PBX1: variants seen among roughly 807,000 people sequenced by gnomAD.
PBX1 encodes PBX homeobox 1, also known as pre-B-cell leukemia transcription factor 1.
In PBX1, 6 loss-of-function variants were observed where a neutral mutation model predicts 53.4. That is an observed-to-expected ratio of 0.11 (90% CI 0.06 to 0.22). The LOEUF is 0.22. Ranked by LOEUF, PBX1 falls within the 10% of genes least tolerant of loss-of-function variation. The probability of loss-of-function intolerance (pLI) is 1.00; values close to 1 mark genes in which losing one functional copy is unlikely to be tolerated. For missense variants in PBX1, 251 were observed against 551.4 expected, an observed-to-expected ratio of 0.46 and a Z score of 5.46; for synonymous variants, 204 against 212.3, an observed-to-expected ratio of 0.96 and a Z score of 0.34.
chr1:164,828,050 T>C (rs1670555691), intron 8 of PBX1, among the ~76,000 whole-genome samples: 1 of 152,180 alleles, frequency 6.6e-6, no homozygotes, highest in Non-Finnish European at 1.5e-5. Context: ...TTAAATTATA[T>C]GACAGAAGGG....
chr1:164,662,483 C>A (rs762825278), intron 2 of PBX1, among the ~76,000 whole-genome samples: 9 of 152,118 alleles, frequency 5.9e-5, no homozygotes, highest in Non-Finnish European at 1.3e-4. Flanking sequence ...GCATTGCAAC[C>A]AGTACCAAGC....
At chr1:164,754,519 T>G (rs1428974409) in intron 2 of PBX1, among the ~76,000 whole-genome samples, 1 of 152,246 alleles carries the variant, frequency 6.6e-6, no homozygotes, top group Non-Finnish European at 1.5e-5. Flanking sequence ...TTTCAACACG[T>G]AAAACTGGCA....
chr1:164,712,092 A>G (rs1663824304), intron 2 of PBX1, among the ~76,000 whole-genome samples: 1 of 149,126 alleles, frequency 6.7e-6, no homozygotes, highest in South Asian at 2.2e-4. Flanking sequence ...GTGACTGGTA[A>G]CATCTGGGGG....
At chr1:164,871,036 G>A (rs577692926) in intron 2 of PBX1, among the ~76,000 whole-genome samples, 1 of 152,042 alleles carries the variant, frequency 6.6e-6, no homozygotes, top group Non-Finnish European at 1.5e-5. Flanking sequence ...ATTTAATTGA[G>A]CCCCTATGGC....
intron 2 of PBX1, among the ~76,000 whole-genome samples, chr1:164,661,060 C>A (rs1660458854): frequency 6.6e-6 from 1 of 152,188 alleles, no homozygotes; most frequent in East Asian, 1.9e-4. Context: ...GTTGGTGTGC[C>A]TGTTCACCTT....
chr1:164,561,966 C>T (rs961825419), intron 1 of PBX1, among the ~76,000 whole-genome samples: 2 of 151,202 alleles, frequency 1.3e-5, no homozygotes, highest in East Asian at 1.9e-4. Context: ...TTTTTTCTAC[C>T]CCACATGAGA....
At chr1:164,873,545 C>T (rs2102457192) in intron 2 of PBX1, among the ~76,000 whole-genome samples, 1 of 152,330 alleles carries the variant, frequency 6.6e-6, no homozygotes, top group East Asian at 1.9e-4. Context: ...AGTCTAGACT[C>T]TTGCCCAAGA....
At chr1:164,682,575 A>G (rs187541511) in intron 2 of PBX1, 8 of 152,116 alleles carry the variant, frequency 5.3e-5, no homozygotes, top group Non-Finnish European at 1.0e-4. Flanking sequence ...AACTGTACCC[A>G]TAAACTGGAT....
At chr1:164,741,280 T>A (rs1002830418) in intron 2 of PBX1, among the ~76,000 whole-genome samples, 1 of 152,236 alleles carries the variant, frequency 6.6e-6, no homozygotes, top group Admixed American at 6.5e-5. Flanking sequence ...TCTGGACTCA[T>A]AGGGCCAGAA....
chr1:164,663,759 T>C (rs1660650013), intron 2 of PBX1, among the ~76,000 whole-genome samples: 1 of 152,258 alleles, frequency 6.6e-6, no homozygotes, highest in African/African-American at 2.4e-5. Context: ...TTGAAGTGTG[T>C]TGGCGCCTTA....
At chr1:164,675,872 T>A (rs1236379353) in intron 2 of PBX1, among the ~76,000 whole-genome samples, 2 of 152,192 alleles carry the variant, frequency 1.3e-5, no homozygotes, top group East Asian at 3.9e-4. Flanking sequence ...TTTTTGTGCA[T>A]GCCCGTGTTC....
chr1:164,651,600 G>A (rs1294458222), intron 2 of PBX1, among the ~76,000 whole-genome samples: 2 of 152,134 alleles, frequency 1.3e-5, no homozygotes, highest in African/African-American at 4.8e-5. Flanking sequence ...CAGGGGAAGA[G>A]GGAGGTGCAG....
At chr1:164,883,720 C>A (rs1672713421) in intron 2 of PBX1, among the ~76,000 whole-genome samples, 1 of 152,188 alleles carries the variant, frequency 6.6e-6, no homozygotes, top group South Asian at 2.1e-4. Flanking sequence ...GCACCGGCAC[C>A]TTCCCCTTCT....
intron 3 of PBX1, among the ~76,000 whole-genome samples, chr1:164,793,991 C>T (rs763209915): frequency 6.6e-6 from 1 of 151,004 alleles, no homozygotes; most frequent in Non-Finnish European, 1.5e-5. Context: ...TCTCCTGCCT[C>T]AGCCTCCTGA....
chr1:164,670,872 G>A (rs1038474378), intron 2 of PBX1, among the ~76,000 whole-genome samples: 5 of 152,290 alleles, frequency 3.3e-5, no homozygotes, highest in South Asian at 2.1e-4. Context: ...GTGTCCCTGC[G>A]CCCGTGTGCA....
intron 8 of PBX1, among the ~76,000 whole-genome samples, chr1:164,825,965 T>C (rs1340094610): frequency 6.6e-6 from 1 of 151,978 alleles, no homozygotes; most frequent in East Asian, 1.9e-4. Context: ...CTACTAGATG[T>C]GGTATTGGAA....
chr1:164,750,879 A>G (rs988539030), intron 2 of PBX1, among the ~76,000 whole-genome samples: 1 of 152,166 alleles, frequency 6.6e-6, no homozygotes, highest in Non-Finnish European at 1.5e-5. Context: ...CAAAAGAGAA[A>G]TTTAGCTACT....
At chr1:164,720,471 T>C (rs1401178028) in intron 2 of PBX1, among the ~76,000 whole-genome samples, 1 of 152,180 alleles carries the variant, frequency 6.6e-6, no homozygotes, top group Non-Finnish European at 1.5e-5. Flanking sequence ...TTTTCTACTG[T>C]GCAATGAAAG....
intron 5 of PBX1, among the ~76,000 whole-genome samples, chr1:164,808,792 T>C (rs1023256595): frequency 6.6e-6 from 1 of 152,170 alleles, no homozygotes; most frequent in African/African-American, 2.4e-5. Context: ...CCCAACAAAC[T>C]AAGATGATTT....
Sources: allele counts gnomAD v4.1 joint callset (sites outside exome capture counted in the v4.1 genomes callset), GRCh38; gene constraint gnomAD v4.1.1; transcripts MANE v1.5; gene names NCBI Gene and HGNC (gene_info 2026-07-23, HGNC 2026-07-21).